Variants in BICD1 observed in about 807,000 individuals in gnomAD.
The protein encoded by BICD1 is protein bicaudal D homolog 1.
BICD1 carries 35 observed loss-of-function variants against 92.5 expected under a neutral mutation model. The ratio of observed to expected loss-of-function variants is 0.38; its 90% CI spans 0.29 to 0.50. The LOEUF is 0.50. Among genes scored for constraint, BICD1 ranks in the 20% least tolerant of loss-of-function variants. BICD1 has a pLI of 0.93. For missense variants in BICD1, 950 were observed against 1,189.8 expected, an observed-to-expected ratio of 0.80 and a Z score of 2.97; for synonymous variants, 429 against 465.1, an observed-to-expected ratio of 0.92 and a Z score of 1.00.
intron 4 of BICD1, among the ~76,000 whole-genome samples, chr12:32,315,898 G>A (rs1948486034): frequency 6.6e-6 from 1 of 152,102 alleles, no homozygotes; most frequent in Non-Finnish European, 1.5e-5. Flanking sequence ...CACTTTGGGA[G>A]GCTGAGATGC....
intron 4 of BICD1, among the ~76,000 whole-genome samples, chr12:32,318,397 GT>G (rs1948562163): frequency 6.6e-6 from 1 of 152,048 alleles, no homozygotes; most frequent in Non-Finnish European, 1.5e-5. Context: ...TTGAGCAGTG[GT>G]TTGTAGTTCT....
intron 1 of BICD1, among the ~76,000 whole-genome samples, chr12:32,172,961 A>G (rs1943987238): frequency 6.6e-6 from 1 of 152,184 alleles, no homozygotes; most frequent in Non-Finnish European, 1.5e-5. Context: ...ACTAATACCA[A>G]CAACATAAAG....
In BICD1 at chr12:32,382,730, C is replaced by T. The variant is rs7963039; in HGVS notation, c.*5103C>T. 3 of 150,818 alleles carry T rather than the reference C, an allele frequency of 2.0e-5. No individual in the cohort carries two copies. Among genetic ancestry groups the T allele is most frequent in the Admixed American group, 2.0e-4 (3 of 15,128 alleles). 9.3% of individuals were successfully genotyped at this position (150,818 alleles called of 1,614,324 possible). On this transcript the variant is annotated 3_prime_UTR_variant, in exon 10 of 10. Transcript: ENST00000652176. The stretch of plus-strand genomic sequence containing the variant: ...AATCATTGTTCTCTAATGAAAACAC[C>T]GAGAAGTAAATCTGGTGCTTCTTAG...
chr12:32,214,261 T>C (rs1158538963), intron 1 of BICD1, among the ~76,000 whole-genome samples: 1 of 152,194 alleles, frequency 6.6e-6, no homozygotes, highest in African/African-American at 2.4e-5. Context: ...AAGACCCTAG[T>C]TCTTTTTACT....
intron 2 of BICD1, among the ~76,000 whole-genome samples, chr12:32,232,420 CTTT>C (rs1403604374): frequency 6.6e-6 from 1 of 151,976 alleles, no homozygotes; most frequent in African/African-American, 2.4e-5. Context: ...CCTTCACCTA[CTTT>C]TTGATGGGGT....
In BICD1 at chr12:32,337,937, G is replaced by C. The variant is rs1307845152; in HGVS notation, c.2570+121G>C. ...GAAGCAAAAGAAAAAATGGGAGCTG[G>C]CATATAAATGGTCTTGCTAATGTGG... On this transcript the variant is annotated intron_variant, in intron 7 of 9. Coordinates refer to ENST00000652176, the MANE Select transcript of BICD1 (RefSeq NM_001714.4). This position sits in a 1 kb window ranked among gnomAD's most constrained non-coding sequence, Gnocchi z 4.7. 2.7e-6 allele frequency: 3 copies of C among 1,094,836 alleles called. No homozygotes were observed. The Admixed American group carries it at 6.8e-5, about 25-fold the overall frequency. 67.8% of individuals were successfully genotyped at this position (1,094,836 alleles called of 1,614,324 possible). A position where few individuals can be genotyped will look rare whatever the true frequency, so the allele number is the denominator to read the frequency against.
At chr12:32,157,425 TA>T (rs1048189210) in intron 1 of BICD1, among the ~76,000 whole-genome samples, 1 of 152,198 alleles carries the variant, frequency 6.6e-6, no homozygotes, top group Admixed American at 6.5e-5. Context: ...TTATTATGAT[TA>T]CTTTTGGATA....
intron 8 of BICD1, among the ~76,000 whole-genome samples, chr12:32,364,497 A>T (rs1939453074): frequency 6.6e-6 from 1 of 152,202 alleles, no homozygotes; most frequent in Non-Finnish European, 1.5e-5. Context: ...AGGGCTGTAG[A>T]CCCGAGAAGA....
chr12:32,312,198 A>AAAAACAAAAC (rs10650500), intron 4 of BICD1, among the ~76,000 whole-genome samples: 8 of 151,420 alleles, frequency 5.3e-5, no homozygotes, highest in South Asian at 2.1e-4. Context: ...GAACTATGGA[A>AAAAACAAAAC]AAAACAAAAC....
intron 1 of BICD1, among the ~76,000 whole-genome samples, chr12:32,197,937 G>A (rs1438859119): frequency 2.0e-5 from 3 of 152,130 alleles, no homozygotes; most frequent in Non-Finnish European, 2.9e-5. Flanking sequence ...CAGGCACCGT[G>A]GCTCATGCCT....
chr12:32,252,898 G>T (rs529249782), intron 2 of BICD1, among the ~76,000 whole-genome samples: 7 of 152,062 alleles, frequency 4.6e-5, no homozygotes, highest in Admixed American at 3.3e-4. Context: ...TTGAGACAGG[G>T]TCTTACTCTG....
chr12:32,333,174 TTC>T, intron 5 of BICD1: 1 of 984,424 alleles, frequency 1.0e-6, no homozygotes, highest in Non-Finnish European at 1.2e-6. Context: ...AAACATACTT[TTC>T]TGTTTTAAAT....
chr12:32,263,158 A>C (rs1946900478), intron 2 of BICD1, among the ~76,000 whole-genome samples: 1 of 151,504 alleles, frequency 6.6e-6, no homozygotes, highest in Admixed American at 6.6e-5. Flanking sequence ...AAAGCCACTA[A>C]GTTTGTGGTA....
rs2121525733 is a variant in BICD1, at chr12:32,183,270, T to A, written c.214-32977T>A. Reference sequence around the variant, plus strand: ...GCCATTTTACTAATAATTACTTTTTTTTTTTTTTTTTTAGTTTTTTTGAGA... The same window carrying A: ...GCCATTTTACTAATAATTACTTTTTATTTTTTTTTTTTAGTTTTTTTGAGA... On this transcript the variant is annotated intron_variant, in intron 1 of 9. Transcript: ENST00000652176. 2.6e-5 allele frequency among the ~76,000 whole-genome samples: 4 copies of A among 151,346 alleles called. No individual in the cohort carries two copies. The South Asian group carries it at 8.3e-4, about 32-fold the overall frequency.
At chr12:32,362,036 T>C (rs979913261) in intron 8 of BICD1, among the ~76,000 whole-genome samples, 1 of 152,220 alleles carries the variant, frequency 6.6e-6, no homozygotes, top group African/African-American at 2.4e-5. Flanking sequence ...AGTGGGCTCC[T>C]GGACTCCCTA....
chr12:32,148,156 T>G (rs1423027607), intron 1 of BICD1, among the ~76,000 whole-genome samples: 1 of 30,590 alleles, frequency 3.3e-5, no homozygotes, highest in Non-Finnish European at 7.7e-5. Context: ...AAAAAAAGAA[T>G]CTGAGAAGCA....
At chr12:32,162,246 C>T (rs979869396) in intron 1 of BICD1, among the ~76,000 whole-genome samples, 1 of 152,198 alleles carries the variant, frequency 6.6e-6, no homozygotes, top group Admixed American at 6.5e-5. Flanking sequence ...AATATTCCAG[C>T]CTCTGCTGGA....
intron 5 of BICD1, among the ~76,000 whole-genome samples, chr12:32,330,470 T>C (rs758838747): frequency 1.3e-4 from 20 of 151,716 alleles, no homozygotes; most frequent in Non-Finnish European, 2.4e-4. Flanking sequence ...ATTTACCTAA[T>C]GTAAATGACG....
chr12:32,301,471 C>A (rs983690633), intron 3 of BICD1, among the ~76,000 whole-genome samples: 4 of 151,910 alleles, frequency 2.6e-5, no homozygotes, highest in Admixed American at 1.3e-4. Flanking sequence ...GCATTAAGTA[C>A]AAGATGTAAA....
Sources: gnomAD v4.1 joint callset for allele counts (sites outside exome capture counted in the v4.1 genomes callset) on GRCh38, gnomAD v4.1.1 for gene constraint, Gnocchi (gnomAD v3.1) non-coding constraint, MANE v1.5 for transcripts, NCBI Gene and HGNC (gene_info 2026-07-23, HGNC 2026-07-21) for gene names.